MTMR7: variants seen among roughly 807,000 people sequenced by gnomAD.
The protein encoded by MTMR7 is phosphatidylinositol-3-phosphate phosphatase MTMR7.
Under a neutral mutation model 81.2 loss-of-function variants are expected in MTMR7, and 76 were observed. The observed-to-expected ratio is 0.94, with a 90% CI of 0.78 to 1.13. The LOEUF (loss-of-function observed/expected upper bound fraction) is 1.13. Among genes scored for constraint, MTMR7 ranks in the 50% most tolerant of loss-of-function variants. The pLI is 0.00. For synonymous variants in MTMR7, 372 were observed against 289.8 expected (o/e 1.28, Z -2.88); for missense variants, 1,044 against 820.0 (o/e 1.27, Z -3.34).
chr8:17,353,150 G>C (rs1329372583), intron 4 of MTMR7, among the ~76,000 whole-genome samples: 2 of 152,172 alleles, frequency 1.3e-5, no homozygotes, highest in Admixed American at 1.3e-4. Flanking sequence ...CTATAACACA[G>C]ATGAACCTTG....
At chr8:17,371,314 T>C in intron 2 of MTMR7, 115 bp from the exon 3 acceptor site, 3 of 1,188,098 alleles carry the variant, frequency 2.5e-6, no homozygotes, top group Non-Finnish European at 3.6e-6. Context: ...AACCTCCAGC[T>C]AGCTCAACCC....
intron 6 of MTMR7, among the ~76,000 whole-genome samples, chr8:17,334,704 A>C (rs1443666270): frequency 6.6e-6 from 1 of 152,220 alleles, no homozygotes; most frequent in African/African-American, 2.4e-5. Context: ...CTTAGAACTG[A>C]CAATGGAAAG....
intron 3 of MTMR7, among the ~76,000 whole-genome samples, chr8:17,370,128 GT>G (rs201807333): frequency 0.014 from 1,976 of 141,880 alleles, 37 homozygotes; most frequent in African/African-American, 0.043. Flanking sequence ...ACCACATTAA[GT>G]TTTTTTTTTT....
chr8:17,323,155 A>C, intron 7 of MTMR7, among the ~76,000 whole-genome samples: 1 of 151,526 alleles, frequency 6.6e-6, no homozygotes, highest in East Asian at 2.0e-4. Flanking sequence ...ACCATGTCGG[A>C]CAGCAGGTCT....
At chr8:17,386,210 T>G (rs1022866806) in intron 1 of MTMR7, among the ~76,000 whole-genome samples, 2 of 152,064 alleles carry the variant, frequency 1.3e-5, no homozygotes, top group Non-Finnish European at 2.9e-5. Flanking sequence ...ACCCTGTCTC[T>G]ACCAAAAAAA....
chr8:17,305,660 T>C, intron 11 of MTMR7, 97 bp downstream of exon 11: 1 of 1,081,916 alleles, frequency 9.2e-7, no homozygotes, highest in Admixed American at 2.2e-5. Context: ...TGTGACTAAA[T>C]GAAAAAAGTC....
intron 4 of MTMR7, among the ~76,000 whole-genome samples, chr8:17,357,329 A>G (rs1269344186): frequency 6.6e-6 from 1 of 152,236 alleles, no homozygotes; most frequent in African/African-American, 2.4e-5. Flanking sequence ...GGCATGTAGT[A>G]ACTATATACA....
At position 17,405,865 on chromosome 8, in the gene MTMR7, CACACACACACACA is replaced by C. The variant is rs775477272; in HGVS notation, c.24+7391_24+7403del. Among the ~76,000 whole-genome samples the C allele has an allele frequency of 4.1e-5, 4 of 97,912 alleles. No individual in the cohort carries two copies. In the East Asian group the frequency reaches 1.2e-3, roughly 28 times the overall value. The allele number at this position is 97,912 out of a possible 152,430, so 64.2% of individuals were successfully genotyped here. A position where few individuals can be genotyped will look rare whatever the true frequency, so the allele number is the denominator to read the frequency against. ...ACACACACACACACACACACACACACACACACACACACACCACAGAGAAAATGGACATGATTTT... is the reference window on the plus strand; with the variant it reads ...ACACACACACACACACACACACACACCCACAGAGAAAATGGACATGATTTT... On this transcript the variant is annotated intron_variant, in intron 1 of 13. Coordinates refer to ENST00000180173, the MANE Select transcript of MTMR7 (RefSeq NM_004686.5).
chr8:17,341,287 G>T, intron 6 of MTMR7, 76 bp downstream of exon 6: 1 of 1,570,774 alleles, frequency 6.4e-7, no homozygotes, highest in Non-Finnish European at 8.7e-7. Flanking sequence ...ACAAGAGATG[G>T]CAGTCGGCTA....
At chr8:17,309,359 G>C in intron 9 of MTMR7, 33 bp from the exon 10 acceptor site, 1 of 1,406,356 alleles carries the variant, frequency 7.1e-7, no homozygotes, top group East Asian at 2.3e-5. Flanking sequence ...ATCTTGGAGA[G>C]AAGCAAACGA....
intron 1 of MTMR7, among the ~76,000 whole-genome samples, chr8:17,377,723 G>A (rs1028059681): frequency 1.3e-5 from 2 of 151,942 alleles, no homozygotes; most frequent in Non-Finnish European, 2.9e-5. Flanking sequence ...ATTATTCATA[G>A]TATCCTCATT....
At chr8:17,345,190 CGA>C (rs1036692338) in intron 5 of MTMR7, among the ~76,000 whole-genome samples, 1 of 152,190 alleles carries the variant, frequency 6.6e-6, no homozygotes, top group African/African-American at 2.4e-5. Flanking sequence ...CTGGTAAAAC[CGA>C]GAGGGCCTCA....
intron 3 of MTMR7, among the ~76,000 whole-genome samples, chr8:17,370,133 T>A (rs1192650199): frequency 1.2e-4 from 18 of 152,022 alleles, no homozygotes; most frequent in Non-Finnish European, 5.9e-5. Flanking sequence ...ATTAAGTTTT[T>A]TTTTTTTTTT....
At chr8:17,382,481 A>T (rs796181456) in intron 1 of MTMR7, among the ~76,000 whole-genome samples, 5 of 152,284 alleles carry the variant, frequency 3.3e-5, no homozygotes, top group African/African-American at 9.6e-5. Context: ...ATTTGGATTT[A>T]AAACTGAATT....
At chr8:17,319,639 TCAAA>T (rs1034654996) in intron 7 of MTMR7, among the ~76,000 whole-genome samples, 16 of 152,334 alleles carry the variant, frequency 1.1e-4, no homozygotes, top group African/African-American at 2.2e-4. Flanking sequence ...TTTTCAATCC[TCAAA>T]CAATCATTCT....
At chr8:17,320,309 C>T (rs1818317515) in intron 7 of MTMR7, among the ~76,000 whole-genome samples, 1 of 152,100 alleles carries the variant, frequency 6.6e-6, no homozygotes, top group South Asian at 2.1e-4. Context: ...AACATTTTTG[C>T]ACATGTACCT....
intron 1 of MTMR7, among the ~76,000 whole-genome samples, chr8:17,409,565 T>C (rs2150589665): frequency 6.6e-6 from 1 of 152,328 alleles, no homozygotes; most frequent in South Asian, 2.1e-4. Flanking sequence ...CCAAGCACTG[T>C]GTTAGGTGCT....
chr8:17,405,895 C>G (rs151255702), intron 1 of MTMR7, among the ~76,000 whole-genome samples: 1 of 150,434 alleles, frequency 6.6e-6, no homozygotes, highest in African/African-American at 2.4e-5. Context: ...AGAAAATGGA[C>G]ATGATTTTCT....
chr8:17,410,778 G>T (rs943975546), intron 1 of MTMR7, among the ~76,000 whole-genome samples: 1 of 152,154 alleles, frequency 6.6e-6, no homozygotes, highest in Non-Finnish European at 1.5e-5. Flanking sequence ...GGCTGTCATG[G>T]ATATTACACA....
Sources: gnomAD v4.1 joint callset for allele counts (sites outside exome capture counted in the v4.1 genomes callset) on GRCh38, gnomAD v4.1.1 for gene constraint, MANE v1.5 for transcripts, NCBI Gene and HGNC (gene_info 2026-07-23, HGNC 2026-07-21) for gene names.